Variants in LAMA3 observed in about 807,000 individuals in gnomAD.
LAMA3 encodes laminin subunit alpha 3.
Under a neutral mutation model 402.0 loss-of-function variants are expected in LAMA3, and 281 were observed. The observed-to-expected ratio is 0.70, with a 90% CI of 0.63 to 0.77. LAMA3 has a LOEUF of 0.77. Ranked by LOEUF, LAMA3 falls within the 30% of genes least tolerant of loss-of-function variation. LAMA3 has a pLI of 0.00. For missense variants in LAMA3, 3,840 were observed against 4,215.5 expected (o/e 0.91, Z 2.47); for synonymous variants, 1,431 against 1,558.4 (o/e 0.92, Z 1.93).
In LAMA3 at chr18:23,939,331, G is replaced by A. The variant is rs751139164; in HGVS notation, c.8971G>A (p.Asp2991Asn). 1.2e-6 allele frequency: 2 copies of A among 1,614,200 alleles called. No individual in the cohort carries two copies. The highest frequency in any genetic ancestry group is 1.3e-5 in the African/African-American group (1 of 75,048). The change falls in exon 68 of 75, where the codon GAC becomes AAC. Residue 2991 changes from aspartate to asparagine, a missense_variant. Coordinates refer to ENST00000313654, the MANE Select transcript of LAMA3 (RefSeq NM_198129.4). ...CAATCATGGAGCCCTCCAGTTTGGG[G>A]ACATTCCCACCAGCCACTTGCTATT... ...QANHGALQFGDIPTSHLLFKL... is the reference protein window; with the variant it reads ...QANHGALQFGNIPTSHLLFKL...
rs759035824 is a variant in LAMA3 at position 23,867,876 on chromosome 18, C to T, written c.4726C>T (p.Arg1576Trp). The T allele has an allele frequency of 7.2e-5, 116 of 1,613,920 alleles. No individual in the cohort carries two copies. Among genetic ancestry groups the T allele is most frequent in the Non-Finnish European group, 9.2e-5 (109 of 1,179,952 alleles). ...SIIYEETNTPRPDRLHHGRVH... is the reference protein window; with the variant it reads ...SIIYEETNTPWPDRLHHGRVH... ...CATCTATGAGGAGACAAACACCCCACGGCCAGACCGGCTGCATCATGGACG... is the reference window on the plus strand; with the variant it reads ...CATCTATGAGGAGACAAACACCCCATGGCCAGACCGGCTGCATCATGGACG... The change falls in exon 37 of 75, where the codon CGG becomes TGG. Residue 1576 changes from arginine to tryptophan, a missense_variant. Physicochemically the swap from Arg to Trp is moderately radical, Grantham distance 101 (BLOSUM62 -3). Around this residue, in one of 3 missense-constraint regions of LAMA3, gnomAD observed 2,109 missense variants for 2,376.0 expected, o/e 0.89. Transcript: ENST00000313654.
chr18:23,747,863 G>A (rs1265241916), intron 2 of LAMA3, 80 bp from the exon 3 acceptor site: 1 of 861,776 alleles, frequency 1.2e-6, no homozygotes, highest in East Asian at 2.4e-5. Flanking sequence ...GTTGCCTTGG[G>A]AATCAGCATC....
At chr18:23,844,078 C>A (rs545064611) in intron 29 of LAMA3, among the ~76,000 whole-genome samples, 5 of 152,212 alleles carry the variant, frequency 3.3e-5, no homozygotes, top group Non-Finnish European at 7.3e-5. Flanking sequence ...GAGACAAGGG[C>A]TGCATCTGTT....
intron 4 of LAMA3, 40 bp from the exon 5 acceptor site, chr18:23,750,878 A>G: frequency 5.6e-6 from 9 of 1,611,596 alleles, no homozygotes; most frequent in Non-Finnish European, 7.6e-6. Flanking sequence ...TTTTGATAAA[A>G]GGAACTTTTT....
Position 23,689,925 on chromosome 18 carries a change from A to T in LAMA3, c.242A>T (p.Tyr81Phe), listed in dbSNP as rs1224613367. 3.3e-6 allele frequency: 5 copies of T among 1,529,376 alleles called. No homozygotes were observed. Among genetic ancestry groups the T allele is most frequent in the Non-Finnish European group, 4.4e-6 (5 of 1,138,058 alleles). The allele number at this position is 1,529,376 out of a possible 1,614,324, so 94.7% of individuals were successfully genotyped here. ...PGEGRPQPEL[Y>F]CKLVGGPTAP... is the part of the protein sequence containing the mutation. ...GAGGGGAGGCCCCAGCCCGAGCTCTACTGCAAGTTGGTCGGGGGCCCCACC... is the reference window on the plus strand; with the variant it reads ...GAGGGGAGGCCCCAGCCCGAGCTCTTCTGCAAGTTGGTCGGGGGCCCCACC... Residue 81 changes from tyrosine to phenylalanine, a missense_variant, in exon 1 of 75, where the codon TAC becomes TTC. Physicochemically the swap from Tyr to Phe is conservative, Grantham distance 22. Coordinates refer to ENST00000313654, the MANE Select transcript of LAMA3 (RefSeq NM_198129.4).
intron 71 of LAMA3, 50 bp downstream of exon 71, chr18:23,949,974 TC>T (rs2082848506): frequency 6.2e-7 from 1 of 1,613,982 alleles, no homozygotes; most frequent in Admixed American, 1.7e-5. Context: ...AAGAACTGTA[TC>T]CTGTTTTCTT....
rs770960237 is a variant in LAMA3, at chr18:23,873,194, T to C, written c.4998+1533T>C. The C allele has an allele frequency of 2.6e-5, 42 of 1,614,094 alleles. No homozygotes were observed. In the East Asian group the frequency reaches 7.8e-4, roughly 30 times the overall value. On this transcript the variant is annotated intron_variant, in intron 38 of 74. Coordinates refer to ENST00000313654, the MANE Select transcript of LAMA3 (RefSeq NM_198129.4). ...GTCAAAGTCAACTGCAAGCGAGTTA[T>C]GTGGAGTTTAGACCCAGCCAGGTAA...
At chr18:23,770,649 T>G (rs1323666926) in intron 8 of LAMA3, among the ~76,000 whole-genome samples, 1 of 151,984 alleles carries the variant, frequency 6.6e-6, no homozygotes, top group Non-Finnish European at 1.5e-5. Flanking sequence ...TAGTCCCAGC[T>G]ACTCGGGAGG....
Position 23,903,142 on chromosome 18 carries a change from T to C in LAMA3, c.6318+17T>C. ...AGCCAGAAGGTAGAGGAAATAGTTGTTCTCTAGAAAAATCTAAAAACATTT... is the reference window on the plus strand; with the variant it reads ...AGCCAGAAGGTAGAGGAAATAGTTGCTCTCTAGAAAAATCTAAAAACATTT... On this transcript the variant is annotated intron_variant, in intron 49 of 74. Transcript: ENST00000313654. 1 of 1,456,596 alleles carries C rather than the reference T, an allele frequency of 6.9e-7. No homozygotes were observed. The highest frequency in any genetic ancestry group is 1.7e-5 in the Admixed American group (1 of 59,826). 90.2% of individuals were successfully genotyped at this position (1,456,596 alleles called of 1,614,324 possible). A position where few individuals can be genotyped will look rare whatever the true frequency, so the allele number is the denominator to read the frequency against.
At chr18:23,792,753 T>C (rs1598803839) in intron 12 of LAMA3, among the ~76,000 whole-genome samples, 3 of 151,986 alleles carry the variant, frequency 2.0e-5, no homozygotes, top group African/African-American at 7.3e-5. Flanking sequence ...CTGTACTTAG[T>C]GTACTGGGGC....
intron 29 of LAMA3, among the ~76,000 whole-genome samples, chr18:23,843,017 G>T (rs1168982225): frequency 6.6e-6 from 1 of 152,142 alleles, no homozygotes; most frequent in African/African-American, 2.4e-5. Context: ...AGTCTCTGGA[G>T]CATTTTTCGC....
chr18:23,862,504 G>A (rs1458183516), intron 35 of LAMA3, among the ~76,000 whole-genome samples: 1 of 152,178 alleles, frequency 6.6e-6, no homozygotes, highest in East Asian at 1.9e-4. Flanking sequence ...ACATTAGGAA[G>A]ACTAAAATAA....
intron 27 of LAMA3, among the ~76,000 whole-genome samples, chr18:23,841,785 G>T (rs2063707525): frequency 1.3e-5 from 2 of 152,132 alleles, no homozygotes; most frequent in African/African-American, 2.4e-5. Context: ...ACCCAGGCAT[G>T]ATGGCACGTA....
At position 23,846,492 on chromosome 18, in the gene LAMA3, A is replaced by C. The variant is rs1272764256; in HGVS notation, c.3915A>C (p.Gly1305=). The change falls in exon 31 of 75, where the codon GGA becomes GGC. Residue 1305 remains glycine (G), a synonymous_variant. Transcript: ENST00000313654. ...QCTRCATGHY[G]FPRCKPCSCG... ...CCCGCTGTGCAACAGGCCACTACGG[A>C]TTCCCACGCTGCAAGCGTAAGTGCA... 4 of 1,610,102 alleles carry C rather than the reference A, an allele frequency of 2.5e-6. No individual in the cohort carries two copies. The African/African-American group carries it at 4.0e-5, about 16-fold the overall frequency.
intron 44 of LAMA3, among the ~76,000 whole-genome samples, chr18:23,896,830 G>A (rs1213717030): frequency 1.3e-5 from 2 of 152,168 alleles, no homozygotes; most frequent in South Asian, 2.1e-4. Context: ...GTCCTAGACC[G>A]TGGGTTGGAG....
At chr18:23,735,206 C>T (rs1043363205) in intron 2 of LAMA3, among the ~76,000 whole-genome samples, 2 of 152,180 alleles carry the variant, frequency 1.3e-5, no homozygotes, top group Non-Finnish European at 2.9e-5. Flanking sequence ...TACCCTGAAC[C>T]AAAGGTGGCT....
chr18:23,690,624 G>A (rs1226589768), intron 1 of LAMA3, among the ~76,000 whole-genome samples: 1 of 152,142 alleles, frequency 6.6e-6, no homozygotes, highest in African/African-American at 2.4e-5. Context: ...GCATCTTGCA[G>A]TGCCTGGCCC....
At chr18:23,940,221 G>C (rs2082451145) in intron 68 of LAMA3, among the ~76,000 whole-genome samples, 2 of 152,334 alleles carry the variant, frequency 1.3e-5, no homozygotes, top group South Asian at 4.1e-4. Flanking sequence ...ATACTGTGAG[G>C]GGAGGGCGCA....
intron 4 of LAMA3, 43 bp downstream of exon 4, chr18:23,749,589 G>T: frequency 8.7e-7 from 1 of 1,150,080 alleles, no homozygotes; most frequent in South Asian, 1.2e-5. Flanking sequence ...ACTCAGAAAT[G>T]ACCATGAGGA....
Sources: allele counts gnomAD v4.1 joint callset (sites outside exome capture counted in the v4.1 genomes callset), GRCh38; gene constraint gnomAD v4.1.1; regional missense constraint gnomAD v4.1.1; transcripts MANE v1.5; gene names NCBI Gene and HGNC (gene_info 2026-07-23, HGNC 2026-07-21).